Variants in TNFSF4 observed in about 807,000 individuals in gnomAD.
TNFSF4 encodes TNF superfamily member 4, also known as tumor necrosis factor ligand superfamily member 4.
TNFSF4 carries 4 observed loss-of-function variants against 7.3 expected under a neutral mutation model. That is an observed-to-expected ratio of 0.55 (90% CI 0.27 to 1.25). The LOEUF is 1.25. Ranked by LOEUF, TNFSF4 falls within the 50% of genes most tolerant of loss-of-function variation. TNFSF4 has a pLI of 0.12. For synonymous variants in TNFSF4, 76 were observed against 83.7 expected (o/e 0.91, Z 0.50); for missense variants, 181 against 208.8 (o/e 0.87, Z 0.82).
At chr1:173,226,583 A>G in the TNFSF4 span, among the ~76,000 whole-genome samples, 1 of 152,210 alleles carries the variant, frequency 6.6e-6, no homozygotes, top group Non-Finnish European at 1.5e-5. Flanking sequence ...TCACTTTTTC[A>G]GCACCTTAGC....
chr1:173,286,902 G>GA, the TNFSF4 span, among the ~76,000 whole-genome samples: 1 of 151,610 alleles, frequency 6.6e-6, no homozygotes, highest in Admixed American at 6.6e-5. Flanking sequence ...ATGGAAAAGA[G>GA]AAAAAAATCC....
At chr1:173,399,605 T>C in the TNFSF4 span, among the ~76,000 whole-genome samples, 2 of 150,668 alleles carry the variant, frequency 1.3e-5, no homozygotes, top group Non-Finnish European at 2.9e-5. Context: ...CCTCTCTGTA[T>C]GGACAAAAAA....
chr1:173,203,020 C>G (rs1650012257), intron 1 of TNFSF4, among the ~76,000 whole-genome samples: 1 of 152,150 alleles, frequency 6.6e-6, no homozygotes, highest in Non-Finnish European at 1.5e-5. Flanking sequence ...TTGTCCCCAC[C>G]CTGCATCTTG....
At chr1:173,177,857 C>CA in the TNFSF4 span, among the ~76,000 whole-genome samples, 3 of 151,828 alleles carry the variant, frequency 2.0e-5, no homozygotes. Flanking sequence ...TACAGGAATT[C>CA]AAAAAAAGTA....
At chr1:173,272,298 C>G in the TNFSF4 span, among the ~76,000 whole-genome samples, 2 of 151,962 alleles carry the variant, frequency 1.3e-5, no homozygotes, top group South Asian at 4.2e-4. Flanking sequence ...ATGTATGTAA[C>G]AAATCTGCAT....
At chr1:173,238,786 A>C in the TNFSF4 span, among the ~76,000 whole-genome samples, 20 of 152,254 alleles carry the variant, frequency 1.3e-4, no homozygotes, top group South Asian at 3.9e-3. Context: ...AAAAGGGAAC[A>C]CTTATACACT....
At chr1:173,418,326 AAC>A in the TNFSF4 span, 2 of 152,270 alleles carry the variant, frequency 1.3e-5, no homozygotes, top group Non-Finnish European at 2.9e-5. Context: ...CTGAAATGCT[AAC>A]CCCTGCCCTA....
the TNFSF4 span, among the ~76,000 whole-genome samples, chr1:173,374,284 A>T: frequency 6.6e-6 from 1 of 152,196 alleles, no homozygotes; most frequent in African/African-American, 2.4e-5. Context: ...CACAGAGACA[A>T]GGGAACAGAG....
chr1:173,431,379 T>A, the TNFSF4 span, among the ~76,000 whole-genome samples: 1 of 152,338 alleles, frequency 6.6e-6, no homozygotes, highest in South Asian at 2.1e-4. Flanking sequence ...TAGAGGGCGC[T>A]CTCAGCACAC....
chr1:173,345,920 G>C, the TNFSF4 span, among the ~76,000 whole-genome samples: 1 of 152,176 alleles, frequency 6.6e-6, no homozygotes, highest in African/African-American at 2.4e-5. Flanking sequence ...TAAGTCCTAG[G>C]AATGGTTTGA....
the TNFSF4 span, among the ~76,000 whole-genome samples, chr1:173,237,191 A>C: frequency 5.3e-5 from 8 of 152,196 alleles, no homozygotes; most frequent in Non-Finnish European, 1.2e-4. Context: ...TTGTGCGTCC[A>C]TTAAACCTCT....
chr1:173,349,042 T>A, the TNFSF4 span, among the ~76,000 whole-genome samples: 3,215 of 152,198 alleles, frequency 0.021, 61 homozygotes, highest in East Asian at 0.065. Flanking sequence ...TATTATTATT[T>A]TTTTTAGACG....
chr1:173,424,079 G>A, the TNFSF4 span, among the ~76,000 whole-genome samples: 17 of 152,164 alleles, frequency 1.1e-4, no homozygotes, highest in African/African-American at 3.9e-4. Context: ...CTTTTGTAAG[G>A]ACCCTAATTC....
the TNFSF4 span, among the ~76,000 whole-genome samples, chr1:173,311,184 C>T: frequency 6.6e-6 from 1 of 151,880 alleles, no homozygotes; most frequent in Admixed American, 6.6e-5. Context: ...TTTTATTGCT[C>T]CTTTTTTGCC....
chr1:173,183,943 T>C lies in TNFSF4; in HGVS notation c.*2573A>G, dbSNP rs1649116218. On this transcript the variant is annotated 3_prime_UTR_variant, in exon 3 of 3. Coordinates refer to ENST00000281834, the MANE Select transcript of TNFSF4 (RefSeq NM_003326.5). The stretch of plus-strand genomic sequence containing the variant: ...CCTTAAGCATTCTCTAAATAGAAAA[T>C]ATCTAACTAACAATTGATAACTGCT... 6.6e-6 allele frequency: 1 copy of C among 152,096 alleles called. No individual in the cohort carries two copies. Among genetic ancestry groups the C allele is most frequent in the African/African-American group, 2.4e-5 (1 of 41,408 alleles). 9.4% of individuals were successfully genotyped at this position (152,096 alleles called of 1,614,324 possible).
the TNFSF4 span, among the ~76,000 whole-genome samples, chr1:173,391,818 C>T: frequency 1.3e-5 from 2 of 152,088 alleles, no homozygotes; most frequent in Admixed American, 1.3e-4. Flanking sequence ...GGCTTATAGA[C>T]CATGGAGCCT....
the TNFSF4 span, among the ~76,000 whole-genome samples, chr1:173,242,219 A>G: frequency 6.6e-6 from 1 of 152,166 alleles, no homozygotes; most frequent in South Asian, 2.1e-4. Flanking sequence ...AGAGTGGCCA[A>G]AATACTCACT....
At chr1:173,446,051 T>C in the TNFSF4 span, among the ~76,000 whole-genome samples, 21 of 151,962 alleles carry the variant, frequency 1.4e-4, no homozygotes, top group African/African-American at 4.8e-4. Flanking sequence ...CAGGATACAA[T>C]CTAAAATCAC....
the TNFSF4 span, chr1:173,362,960 TG>T: frequency 2.6e-6 from 1 of 381,978 alleles, no homozygotes. Context: ...GTTTTTCTTG[TG>T]GTTTTGACTT....
Sources: allele counts gnomAD v4.1 joint callset (sites outside exome capture counted in the v4.1 genomes callset), GRCh38; gene constraint gnomAD v4.1.1; transcripts MANE v1.5; gene names NCBI Gene and HGNC (gene_info 2026-07-23, HGNC 2026-07-21).